The following PBX1 variants were observed in gnomAD, a reference collection of about 807,000 sequenced individuals.
PBX1 encodes pre-B-cell leukemia transcription factor 1.
PBX1 carries 6 observed loss-of-function variants against 53.4 expected under a neutral mutation model. The ratio of observed to expected loss-of-function variants is 0.11; its 90% CI spans 0.06 to 0.22. The LOEUF is 0.22. Ranked by LOEUF, PBX1 falls within the 10% of genes least tolerant of loss-of-function variation. The pLI is 1.00. For synonymous variants in PBX1, 204 were observed against 212.3 expected, an observed-to-expected ratio of 0.96 and a Z score of 0.34; for missense variants, 251 against 551.4, an observed-to-expected ratio of 0.46 and a Z score of 5.46.
At chr1:164,804,324 T>C (rs1380329774) in intron 4 of PBX1, among the ~76,000 whole-genome samples, 1 of 152,196 alleles carries the variant, frequency 6.6e-6, no homozygotes, top group African/African-American at 2.4e-5. Flanking sequence ...CAAAGATATT[T>C]TATGTTTTTG....
intron 2 of PBX1, among the ~76,000 whole-genome samples, chr1:164,640,605 G>A (rs189251816): frequency 6.8e-6 from 1 of 146,032 alleles, no homozygotes; most frequent in African/African-American, 2.5e-5. Flanking sequence ...TGCCCAGGCT[G>A]GAGTGCAGTG....
rs1330543968 is a variant in PBX1, at chr1:164,811,984, C to T, written c.838-6C>T. 1 of 1,611,286 alleles carries T rather than the reference C, an allele frequency of 6.2e-7. No homozygotes were observed. Among genetic ancestry groups the T allele is most frequent in the South Asian group, 1.1e-5 (1 of 90,700 alleles). ...AACTTTCTCATCTTCTCTTAAACTA[C>T]TCTAGGTATCAAACTGGTTTGGAAA... On this transcript the variant is annotated splice_region_variant and splice_polypyrimidine_tract_variant and intron_variant, in intron 5 of 8. Transcript: ENST00000420696.
intron 2 of PBX1, chr1:164,684,117 C>T (rs1661954124): frequency 6.6e-6 from 1 of 152,178 alleles, no homozygotes; most frequent in East Asian, 1.9e-4. Flanking sequence ...TGCGCCCAGC[C>T]TGTAATTATT....
At chr1:164,712,006 C>T (rs1179452546) in intron 2 of PBX1, among the ~76,000 whole-genome samples, 2 of 141,490 alleles carry the variant, frequency 1.4e-5, no homozygotes, top group Non-Finnish European at 3.1e-5. Flanking sequence ...TTTTTGTGTG[C>T]CCCCCCACCT....
intron 3 of PBX1, among the ~76,000 whole-genome samples, chr1:164,797,111 G>A (rs1668827971): frequency 1.3e-5 from 2 of 152,216 alleles, no homozygotes; most frequent in Non-Finnish European, 2.9e-5. Context: ...TCAGCAGTGG[G>A]TGAAACGACC....
intron 2 of PBX1, chr1:164,771,398 G>A (rs1667364319): frequency 6.6e-6 from 1 of 152,020 alleles, no homozygotes; most frequent in South Asian, 2.1e-4. Context: ...CAGACATGTA[G>A]TAATTACCTT....
chr1:164,589,740 T>C (rs1655228352), intron 2 of PBX1, among the ~76,000 whole-genome samples: 1 of 152,182 alleles, frequency 6.6e-6, no homozygotes, highest in South Asian at 2.1e-4. Context: ...CAAATACTTT[T>C]CTGATTCCTG....
At chr1:164,638,017 T>G (rs1180652343) in intron 2 of PBX1, among the ~76,000 whole-genome samples, 2 of 152,126 alleles carry the variant, frequency 1.3e-5, no homozygotes, top group Non-Finnish European at 2.9e-5. Context: ...TCAATATCAG[T>G]GGAATATTGA....
intron 2 of PBX1, among the ~76,000 whole-genome samples, chr1:164,743,646 A>C (rs1214597377): frequency 6.6e-6 from 1 of 152,220 alleles, no homozygotes; most frequent in Non-Finnish European, 1.5e-5. Flanking sequence ...AGCACATTAA[A>C]ATAAAATTAA....
At chr1:164,755,235 C>T (rs545217032) in intron 2 of PBX1, among the ~76,000 whole-genome samples, 1 of 152,290 alleles carries the variant, frequency 6.6e-6, no homozygotes, top group African/African-American at 2.4e-5. Context: ...ATCTTGACCT[C>T]CGCCTCCCGG....
chr1:164,652,694 T>A (rs1208092710), intron 2 of PBX1, among the ~76,000 whole-genome samples: 2 of 152,090 alleles, frequency 1.3e-5, no homozygotes, highest in African/African-American at 2.4e-5. Context: ...TTTTAAAACT[T>A]GAAAATTTAT....
At chr1:164,695,646 C>T (rs370246930) in intron 2 of PBX1, among the ~76,000 whole-genome samples, 4 of 152,154 alleles carry the variant, frequency 2.6e-5, no homozygotes, top group Admixed American at 6.6e-5. Flanking sequence ...TTCGTTTCCC[C>T]GTTGGACTGT....
chr1:164,645,868 T>C (rs1659426026), intron 2 of PBX1, among the ~76,000 whole-genome samples: 1 of 152,186 alleles, frequency 6.6e-6, no homozygotes, highest in South Asian at 2.1e-4. Flanking sequence ...ATGGGCGCTT[T>C]GAATTTTGAG....
At chr1:164,827,531 G>A (rs535633634) in intron 8 of PBX1, among the ~76,000 whole-genome samples, 3 of 152,286 alleles carry the variant, frequency 2.0e-5, no homozygotes, top group Non-Finnish European at 2.9e-5. Flanking sequence ...ATAGATGGAA[G>A]CTAACAGCCT....
intron 2 of PBX1, among the ~76,000 whole-genome samples, chr1:164,638,229 C>T (rs151043499): frequency 8.9e-4 from 136 of 152,332 alleles, no homozygotes; most frequent in African/African-American, 3.0e-3. Context: ...CAGATTTCTG[C>T]GCCTCTTCCT....
In PBX1 at chr1:164,591,969, C is replaced by T. The variant is rs546919713; in HGVS notation, c.265+28658C>T. Among the ~76,000 whole-genome samples the T allele has an allele frequency of 8.7e-4, 132 of 152,278 alleles. 1 individual carries two copies. The highest frequency in any genetic ancestry group is 1.7e-3 in the South Asian group (8 of 4,822). ...CATTGCAGTCTAGACTTTCCACCTC[C>T]CCTGTGGCACTTTTGGCAAGTTGAC... On this transcript the variant is annotated intron_variant, in intron 2 of 8. Transcript: ENST00000420696.
intron 2 of PBX1, among the ~76,000 whole-genome samples, chr1:164,679,881 A>C (rs1661651695): frequency 6.6e-6 from 1 of 152,060 alleles, no homozygotes; most frequent in African/African-American, 2.4e-5. Context: ...GAGGCTCAGA[A>C]AAATGAAGCT....
At chr1:164,702,189 G>GT (rs34708967) in intron 2 of PBX1, among the ~76,000 whole-genome samples, 34,392 of 149,886 alleles carry the variant, frequency 0.23, 4,112 homozygotes, top group East Asian at 0.45. Flanking sequence ...CCACGATGAG[G>GT]TTTTTTTTTT....
At chr1:164,572,968 G>A (rs1653975322) in intron 2 of PBX1, among the ~76,000 whole-genome samples, 1 of 152,126 alleles carries the variant, frequency 6.6e-6, no homozygotes, top group South Asian at 2.1e-4. Flanking sequence ...AAAGTCTCGG[G>A]CAAAACGCAG....
Sources: allele counts gnomAD v4.1 joint callset (sites outside exome capture counted in the v4.1 genomes callset), GRCh38; gene constraint gnomAD v4.1.1; transcripts MANE v1.5; gene names NCBI Gene and HGNC (gene_info 2026-07-23, HGNC 2026-07-21).